Variants in LOXL2 observed in about 807,000 individuals in gnomAD.
LOXL2 encodes lysyl oxidase like 2.
A neutral mutation model predicts 93.0 loss-of-function variants in LOXL2; 70 were observed. The ratio of observed to expected loss-of-function variants is 0.75; its 90% CI spans 0.62 to 0.92. LOXL2 has a LOEUF of 0.92. Among genes scored for constraint, LOXL2 ranks in the 40% least tolerant of loss-of-function variants. The probability of loss-of-function intolerance (pLI) is 0.00; values close to 1 mark genes in which losing one functional copy is unlikely to be tolerated. For synonymous variants in LOXL2, 438 were observed against 413.2 expected (o/e 1.06, Z -0.73); for missense variants, 973 against 1,054.9 (o/e 0.92, Z 1.08).
At chr8:23,391,162 A>G (rs374640935) in intron 1 of LOXL2, among the ~76,000 whole-genome samples, 34 of 152,292 alleles carry the variant, frequency 2.2e-4, no homozygotes, top group African/African-American at 7.7e-4. Context: ...ACAATTTAAG[A>G]TAAGATTTGG....
At position 23,368,229 on chromosome 8, in the gene LOXL2, A is replaced by G; in HGVS notation, c.123T>C (p.Ala41=). ...PHYPEYFQQP[A]PEYHQPQAPA... is the part of the protein sequence containing the mutation. The stretch of plus-strand genomic sequence containing the variant: ...GGGCCTGGGGCTGGTGATACTCAGG[A>G]GCCGGTTGCTGGAAGTACTCGGGGT... The change falls in exon 2 of 14, where the codon GCT becomes GCC. Residue 41 remains alanine (A), a synonymous_variant. Transcript: ENST00000389131. The G allele has an allele frequency of 6.2e-7, 1 of 1,613,918 alleles. No individual in the cohort carries two copies. Among genetic ancestry groups the G allele is most frequent in the Non-Finnish European group, 8.5e-7 (1 of 1,180,020 alleles).
intron 3 of LOXL2, among the ~76,000 whole-genome samples, chr8:23,343,404 G>A (rs1222408877): frequency 6.6e-6 from 1 of 152,206 alleles, no homozygotes; most frequent in Admixed American, 6.5e-5. Flanking sequence ...GCCACCCCGA[G>A]GTGCAGTGGA....
At chr8:23,300,989 G>C (rs1228657369) in intron 12 of LOXL2, among the ~76,000 whole-genome samples, 2 of 152,252 alleles carry the variant, frequency 1.3e-5, no homozygotes, top group Admixed American at 6.5e-5. Flanking sequence ...GTGCTTGGCT[G>C]TCTGCTTTCC....
At chr8:23,320,357 G>A (rs1803474670) in intron 7 of LOXL2, among the ~76,000 whole-genome samples, 1 of 152,184 alleles carries the variant, frequency 6.6e-6, no homozygotes, top group South Asian at 2.1e-4. Flanking sequence ...TGGGAGGATG[G>A]TGCCCTCGGG....
At chr8:23,319,013 A>G (rs1338267751) in intron 8 of LOXL2, among the ~76,000 whole-genome samples, 1 of 152,238 alleles carries the variant, frequency 6.6e-6, no homozygotes, top group Non-Finnish European at 1.5e-5. Flanking sequence ...TTAGGCCCCA[A>G]GAAGGACCAC....
Position 23,328,519 on chromosome 8 carries a change from C to T in LOXL2, c.1013G>A (p.Arg338His), listed in dbSNP as rs780199200. The T allele has an allele frequency of 8.1e-6, 13 of 1,614,068 alleles. No homozygotes were observed. The highest frequency in any genetic ancestry group is 4.4e-5 in the South Asian group (4 of 91,078). The change falls in exon 6 of 14, where the codon CGC becomes CAC. Residue 338 changes from arginine (R) to histidine (H), a missense_variant. Coordinates refer to ENST00000389131, the MANE Select transcript of LOXL2 (RefSeq NM_002318.3). ...LRGGAYIGEG[R>H]VEVLKNGEWG... ...TTCTCCATTTTTGAGCACCTCCACG[C>T]GGCCCTCCCCGATGTAGGCACCGCC...
In LOXL2 at chr8:23,319,902, C is replaced by T. The variant is rs560196062; in HGVS notation, c.1453G>A (p.Ala485Thr). The T allele has an allele frequency of 2.5e-6, 4 of 1,613,644 alleles. No homozygotes were observed. The highest frequency in any genetic ancestry group is 8.5e-7 in the Non-Finnish European group (1 of 1,179,888). ...CTTCTCACCTGGAAGGCGTTGCTGG[C>T]GAATCCCAGGCCCAGCTGGCGGCAG... ...VVCRQLGLGF[A>T]SNAFQETWYW... Residue 485 changes from alanine to threonine, a missense_variant, in exon 8 of 14, where the codon GCC (alanine) becomes ACC (threonine). By Grantham distance (58) the Ala-to-Thr change is moderately conservative (BLOSUM62 0). Transcript: ENST00000389131.
chr8:23,355,303 A>G (rs551293720), intron 3 of LOXL2, among the ~76,000 whole-genome samples: 133 of 133,256 alleles, frequency 1.0e-3, no homozygotes, highest in African/African-American at 3.5e-3. Flanking sequence ...GTATTTGAAG[A>G]GAACCATCTC....
At chr8:23,300,577 T>G (rs1803113091) in intron 12 of LOXL2, among the ~76,000 whole-genome samples, 1 of 152,234 alleles carries the variant, frequency 6.6e-6, no homozygotes, top group Non-Finnish European at 1.5e-5. Context: ...CATGTCTATC[T>G]TAAGGGGAAT....
chr8:23,396,022 C>G (rs1459857895), intron 1 of LOXL2, among the ~76,000 whole-genome samples: 1 of 152,034 alleles, frequency 6.6e-6, no homozygotes, highest in African/African-American at 2.4e-5. Context: ...ATAAATCGTT[C>G]TACTTAAGAA....
At position 23,309,805 on chromosome 8, in the gene LOXL2, C is replaced by T. The variant is rs529752831; in HGVS notation, c.1743G>A (p.Ser581=). 12 of 1,603,440 alleles carry T rather than the reference C, an allele frequency of 7.5e-6. No homozygotes were observed. The highest frequency in any genetic ancestry group is 1.3e-5 in the African/African-American group (1 of 74,650). The stretch of plus-strand genomic sequence containing the variant: ...TGGGGTCGGTCTGCGCGGCTGAGGC[C>T]GAGAGGCAGTTCTCCTCCATGGCAC... The part of the protein sequence containing the change: ...LQCAMEENCL[S]ASAAQTDPTT... Residue 581 remains serine, a synonymous_variant, in exon 10 of 14, where the codon TCG becomes TCA. Coordinates refer to ENST00000389131, the MANE Select transcript of LOXL2 (RefSeq NM_002318.3).
intron 10 of LOXL2, among the ~76,000 whole-genome samples, chr8:23,304,620 G>A (rs3808523): frequency 0.29 from 44,276 of 152,084 alleles, 7,243 homozygotes; most frequent in East Asian, 0.59. Flanking sequence ...GCCCGCTCTC[G>A]GGGCCGCAAG....
chr8:23,375,500 G>C (rs1033175922), intron 1 of LOXL2, among the ~76,000 whole-genome samples: 83 of 152,316 alleles, frequency 5.4e-4, no homozygotes, highest in Admixed American at 3.5e-3. Flanking sequence ...TTGGTAGCTT[G>C]ATGGGGATGG....
At chr8:23,301,095 C>T (rs999947531) in intron 12 of LOXL2, among the ~76,000 whole-genome samples, 6 of 152,140 alleles carry the variant, frequency 3.9e-5, no homozygotes, top group Non-Finnish European at 7.4e-5. Context: ...AGGTGGGGAC[C>T]GTGGGCCAGG....
chr8:23,300,218 C>T (rs1028836630), intron 12 of LOXL2, among the ~76,000 whole-genome samples: 1 of 152,340 alleles, frequency 6.6e-6, no homozygotes, highest in South Asian at 2.1e-4. Flanking sequence ...GCCAGTGTTA[C>T]GTGTGGGGTG....
chr8:23,298,195 GA>G, intron 13 of LOXL2, 73 bp from the exon 14 acceptor site: 2 of 1,204,294 alleles, frequency 1.7e-6, no homozygotes, highest in Non-Finnish European at 2.4e-6. Context: ...TGAGCCAGGG[GA>G]GTGGGCCTCA....
In LOXL2 at chr8:23,344,010, C is replaced by T. The variant is rs554809846; in HGVS notation, c.532-2807G>A. On this transcript the variant is annotated intron_variant, in intron 3 of 13. Coordinates refer to ENST00000389131, the MANE Select transcript of LOXL2 (RefSeq NM_002318.3). ...TTCAGTTCACAGATCCTTTCCCCTGCGTTGGGCAGCAGTGCAGGCTCGCTG... is the reference window on the plus strand; with the variant it reads ...TTCAGTTCACAGATCCTTTCCCCTGTGTTGGGCAGCAGTGCAGGCTCGCTG... 2.0e-5 allele frequency among the ~76,000 whole-genome samples: 3 copies of T among 152,320 alleles called. No individual in the cohort carries two copies. The South Asian group carries it at 6.2e-4, about 32-fold the overall frequency.
intron 3 of LOXL2, among the ~76,000 whole-genome samples, chr8:23,348,547 G>T (rs1309330570): frequency 1.3e-5 from 2 of 152,102 alleles, no homozygotes. Context: ...CAGCCTGGGT[G>T]ACAGAGCGAG....
At chr8:23,398,622 GA>G (rs1043493235) in intron 1 of LOXL2, among the ~76,000 whole-genome samples, 35 of 152,212 alleles carry the variant, frequency 2.3e-4, no homozygotes, top group African/African-American at 8.4e-4. Flanking sequence ...TAAAACTCTG[GA>G]CAGAAGTCTG....
Sources: allele counts gnomAD v4.1 joint callset (sites outside exome capture counted in the v4.1 genomes callset), GRCh38; gene constraint gnomAD v4.1.1; transcripts MANE v1.5; gene names NCBI Gene and HGNC (gene_info 2026-07-23, HGNC 2026-07-21).